DACH1: variants seen among roughly 807,000 people sequenced by gnomAD.
The protein encoded by DACH1 is dachshund family transcription factor 1, also known as dachshund homolog 1.
DACH1 carries 12 observed loss-of-function variants against 54.2 expected under a neutral mutation model. The ratio of observed to expected loss-of-function variants is 0.22; its 90% CI spans 0.14 to 0.36. The LOEUF is 0.36. Among genes scored for constraint, DACH1 ranks in the 10% least tolerant of loss-of-function variants. The pLI, the probability that DACH1 is intolerant of heterozygous loss-of-function variation, is 1.00. For missense variants in DACH1, 805 were observed against 929.8 expected (o/e 0.87, Z 1.75); for synonymous variants, 386 against 366.2 (o/e 1.05, Z -0.62).
At chr13:71,662,996 T>A (rs1879609353) in intron 2 of DACH1, among the ~76,000 whole-genome samples, 1 of 151,990 alleles carries the variant, frequency 6.6e-6, no homozygotes, top group Non-Finnish European at 1.5e-5. Context: ...AAAGGAACAT[T>A]TCTAAAGTGC....
intron 3 of DACH1, among the ~76,000 whole-genome samples, chr13:71,606,597 C>A (rs1874899982): frequency 6.6e-6 from 1 of 151,938 alleles, no homozygotes; most frequent in Admixed American, 6.6e-5. Context: ...CATCAGAAAG[C>A]ACTTTTCTCT....
At chr13:71,830,062 A>G (rs1335881006) in intron 1 of DACH1, among the ~76,000 whole-genome samples, 1 of 151,902 alleles carries the variant, frequency 6.6e-6, no homozygotes, top group Non-Finnish European at 1.5e-5. Context: ...ATAGGAAATC[A>G]GAATAGCTTA....
At chr13:71,452,930 AAAAC>A (rs975628301) in intron 10 of DACH1, among the ~76,000 whole-genome samples, 1 of 152,252 alleles carries the variant, frequency 6.6e-6, no homozygotes, top group Non-Finnish European at 1.5e-5. Flanking sequence ...ATCAAAAACA[AAAAC>A]AAAAAGCAGA....
At position 71,609,871 on chromosome 13, in the gene DACH1, T is replaced by C. The variant is rs193119736; in HGVS notation, c.1126+20685A>G. 3.4e-4 allele frequency among the ~76,000 whole-genome samples: 52 copies of C among 152,186 alleles called. No homozygotes were observed. The East Asian group carries it at 8.7e-3, about 25-fold the overall frequency. On this transcript the variant is annotated intron_variant, in intron 3 of 10. Coordinates refer to ENST00000613252, the MANE Select transcript of DACH1 (RefSeq NM_080759.6). The stretch of plus-strand genomic sequence containing the variant: ...TGATAAATATAAAAAATTTTATTAT[T>C]AAAAACCCATTCTGGATGGTAGTCA...
At chr13:71,789,562 AC>A (rs139202666) in intron 1 of DACH1, among the ~76,000 whole-genome samples, 3,655 of 152,074 alleles carry the variant, frequency 0.024, 145 homozygotes, top group African/African-American at 0.082. Context: ...TTTCACTATC[AC>A]CTTTTTCTAT....
At chr13:71,683,057 T>A (rs903342213) in intron 1 of DACH1, among the ~76,000 whole-genome samples, 1 of 152,116 alleles carries the variant, frequency 6.6e-6, no homozygotes, top group African/African-American at 2.4e-5. Flanking sequence ...TATCAGAAGA[T>A]TCAAAGATGT....
intron 6 of DACH1, among the ~76,000 whole-genome samples, chr13:71,503,335 T>C (rs1880068968): frequency 6.6e-6 from 1 of 152,196 alleles, no homozygotes; most frequent in Non-Finnish European, 1.5e-5. Context: ...TATTTTTATA[T>C]ATGACTTGTT....
intron 1 of DACH1, among the ~76,000 whole-genome samples, chr13:71,695,002 A>G (rs1037204197): frequency 1.3e-5 from 2 of 152,216 alleles, no homozygotes; most frequent in African/African-American, 2.4e-5. Context: ...GAATAAAAGT[A>G]TAAGTTTTCT....
intron 8 of DACH1, among the ~76,000 whole-genome samples, chr13:71,478,644 G>A (rs1877779501): frequency 1.3e-5 from 2 of 152,142 alleles, no homozygotes; most frequent in Non-Finnish European, 1.5e-5. Flanking sequence ...TCTACTCTGT[G>A]TACTTGACCT....
chr13:71,509,137 A>G (rs1168498701), intron 6 of DACH1, among the ~76,000 whole-genome samples: 1 of 152,162 alleles, frequency 6.6e-6, no homozygotes, highest in Non-Finnish European at 1.5e-5. Context: ...CACTCCACTC[A>G]TTAATAAAAT....
Position 71,510,463 on chromosome 13 carries a change from T to G in DACH1, c.1571-21315A>C, listed in dbSNP as rs1211101528. Among the ~76,000 whole-genome samples the G allele has an allele frequency of 3.3e-5, 5 of 152,018 alleles. No individual in the cohort carries two copies. In the East Asian group the frequency reaches 9.6e-4, roughly 29 times the overall value. Reference sequence around the variant, plus strand: ...CCCACACCTCCTCCTATCATTTTGTTAATCTCAGTCCCATTCTATTCCCCT... The same window carrying G: ...CCCACACCTCCTCCTATCATTTTGTGAATCTCAGTCCCATTCTATTCCCCT... On this transcript the variant is annotated intron_variant, in intron 6 of 10. Transcript: ENST00000613252.
intron 1 of DACH1, among the ~76,000 whole-genome samples, chr13:71,831,637 T>C (rs1446927476): frequency 1.3e-5 from 2 of 151,942 alleles, no homozygotes; most frequent in Non-Finnish European, 2.9e-5. Context: ...TCATGATTAA[T>C]TTTCTACCAC....
intron 7 of DACH1, among the ~76,000 whole-genome samples, chr13:71,483,747 C>G (rs964519504): frequency 1.3e-5 from 2 of 151,744 alleles, no homozygotes; most frequent in Non-Finnish European, 2.9e-5. Context: ...GATGGTGGTC[C>G]CATAAGATTA....
At chr13:71,638,949 A>G (rs1265022051) in intron 2 of DACH1, among the ~76,000 whole-genome samples, 1 of 152,130 alleles carries the variant, frequency 6.6e-6, no homozygotes, top group Non-Finnish European at 1.5e-5. Context: ...TTCAACAGTC[A>G]TTACTGTGAA....
chr13:71,604,187 A>G (rs1874716241), intron 3 of DACH1, among the ~76,000 whole-genome samples: 1 of 151,964 alleles, frequency 6.6e-6, no homozygotes, highest in South Asian at 2.1e-4. Flanking sequence ...GTGATTATTG[A>G]TATTTTCAAA....
intron 1 of DACH1, among the ~76,000 whole-genome samples, chr13:71,733,244 C>G (rs1289866862): frequency 6.6e-6 from 1 of 151,200 alleles, no homozygotes; most frequent in African/African-American, 2.4e-5. Context: ...TCACTGCAAC[C>G]TCTGTCTCCC....
chr13:71,635,731 T>C (rs1877439780), intron 2 of DACH1, among the ~76,000 whole-genome samples: 1 of 152,098 alleles, frequency 6.6e-6, no homozygotes, highest in Non-Finnish European at 1.5e-5. Context: ...CCCTCTTCCA[T>C]ATCCCACTTT....
chr13:71,509,287 A>G (rs975572595), intron 6 of DACH1, among the ~76,000 whole-genome samples: 8 of 152,152 alleles, frequency 5.3e-5, no homozygotes, highest in Admixed American at 5.2e-4. Context: ...GAAATGTGCT[A>G]GGTACAGTGA....
In DACH1 at chr13:71,568,897, G is replaced by T. The variant is rs148374887; in HGVS notation, c.1299+3943C>A. 1.2e-3 allele frequency among the ~76,000 whole-genome samples: 182 copies of T among 152,092 alleles called. 2 individuals carry two copies. The East Asian group carries it at 0.028, about 23-fold the overall frequency. ...CCCCACAGATATTTAGCGAGAGAGAGACAGGAGAGGAAATTGTGCATATAT... is the reference window on the plus strand; with the variant it reads ...CCCCACAGATATTTAGCGAGAGAGATACAGGAGAGGAAATTGTGCATATAT... On this transcript the variant is annotated intron_variant, in intron 4 of 10. Transcript: ENST00000613252.
Sources: allele counts gnomAD v4.1 joint callset (sites outside exome capture counted in the v4.1 genomes callset), GRCh38; gene constraint gnomAD v4.1.1; transcripts MANE v1.5; gene names NCBI Gene and HGNC (gene_info 2026-07-23, HGNC 2026-07-21).